Variants in JDP2 observed in about 807,000 individuals in gnomAD.
The protein encoded by JDP2 is Jun dimerization protein 2.
JDP2 carries 9 observed loss-of-function variants against 17.1 expected under a neutral mutation model. The ratio of observed to expected loss-of-function variants is 0.53; its 90% CI spans 0.32 to 0.92. The LOEUF (loss-of-function observed/expected upper bound fraction) is 0.92, where lower values mean the gene tolerates loss of function less well. JDP2 is among the 40% of genes least tolerant of loss of function. JDP2 has a pLI of 0.04. For synonymous variants in JDP2, 107 were observed against 95.6 expected (o/e 1.12, Z -0.69); for missense variants, 179 against 220.0 (o/e 0.81, Z 1.18).
chr14:75,468,365 G>C (rs1235410681), intron 3 of JDP2, among the ~76,000 whole-genome samples: 1 of 152,164 alleles, frequency 6.6e-6, no homozygotes, highest in Non-Finnish European at 1.5e-5. Flanking sequence ...ATCAGTCCTA[G>C]TTGAGAACCA....
At chr14:75,466,789 G>T (rs560843388) in intron 3 of JDP2, among the ~76,000 whole-genome samples, 1 of 152,238 alleles carries the variant, frequency 6.6e-6, no homozygotes, top group East Asian at 1.9e-4. Context: ...CAGAACAGCT[G>T]CCCTCCCAGG....
chr14:75,432,258 A>AAG, intron 1 of JDP2: 1 of 1,501,872 alleles, frequency 6.7e-7, no homozygotes, highest in South Asian at 1.2e-5. Flanking sequence ...TTCAGATTCC[A>AAG]AGAGAGAGGT....
At chr14:75,450,374 T>C (rs531493649) in intron 2 of JDP2, among the ~76,000 whole-genome samples, 1 of 152,366 alleles carries the variant, frequency 6.6e-6, no homozygotes, top group Admixed American at 6.5e-5. Flanking sequence ...CTAGGGTCTC[T>C]GGGTCTTCTC....
chr14:75,451,900 C>T (rs540937748), intron 2 of JDP2, among the ~76,000 whole-genome samples: 92 of 152,304 alleles, frequency 6.0e-4, no homozygotes, highest in African/African-American at 2.1e-3. Context: ...TGGCACTAAG[C>T]GTCTGTAAAA....
intron 2 of JDP2, among the ~76,000 whole-genome samples, chr14:75,448,803 G>GA (rs201721713): frequency 0.012 from 1,785 of 152,270 alleles, 32 homozygotes; most frequent in African/African-American, 0.041. Flanking sequence ...TGCTGCCACT[G>GA]ACCCAGAGTT....
chr14:75,463,552 GC>G (rs939585653), intron 3 of JDP2, among the ~76,000 whole-genome samples: 12 of 152,284 alleles, frequency 7.9e-5, no homozygotes, highest in African/African-American at 2.9e-4. Context: ...CACAGCAGGG[GC>G]CCTGTCCTGG....
chr14:75,451,963 G>A (rs184215687), intron 2 of JDP2, among the ~76,000 whole-genome samples: 36 of 152,320 alleles, frequency 2.4e-4, no homozygotes, highest in African/African-American at 8.7e-4. Context: ...CTGTTGCCCA[G>A]GCCGGAGTGC....
In JDP2 at chr14:75,469,297, A is replaced by T. The variant is rs1334511647; in HGVS notation, c.314A>T (p.Glu105Val). The change falls in exon 4 of 4, where the codon GAG becomes GTG. Residue 105 changes from glutamate to valine, a missense_variant. By Grantham distance (121) the Glu-to-Val change is moderately radical. Coordinates refer to ENST00000651602, the MANE Select transcript of JDP2 (RefSeq NM_001135048.2). ...ERTEFLQRESERLELMNAELK... is the reference protein window; with the variant it reads ...ERTEFLQRESVRLELMNAELK... ...TTCTGTGTTGGTATACAGGAATCCGAGCGGCTGGAACTCATGAACGCAGAG... is the reference window on the plus strand; with the variant it reads ...TTCTGTGTTGGTATACAGGAATCCGTGCGGCTGGAACTCATGAACGCAGAG... 1 of 1,613,620 alleles carries T rather than the reference A, an allele frequency of 6.2e-7. No homozygotes were observed. Among genetic ancestry groups the T allele is most frequent in the Non-Finnish European group, 8.5e-7 (1 of 1,179,812 alleles).
At chr14:75,463,708 A>G (rs1886439211) in intron 3 of JDP2, among the ~76,000 whole-genome samples, 1 of 152,142 alleles carries the variant, frequency 6.6e-6, no homozygotes, top group Non-Finnish European at 1.5e-5. Context: ...GGCATTGAAA[A>G]GGATACCAGC....
At chr14:75,431,019 T>G (rs1043754284) in intron 1 of JDP2, among the ~76,000 whole-genome samples, 1 of 152,126 alleles carries the variant, frequency 6.6e-6, no homozygotes, top group African/African-American at 2.4e-5. Flanking sequence ...TTTGCAAAGC[T>G]TCAGCTGGCC....
chr14:75,438,101 C>T lies in JDP2; in HGVS notation c.181C>T (p.Pro61Ser). The change falls in exon 2 of 4, where the codon CCC (proline) becomes TCC (serine). Residue 61 changes from proline to serine, a missense_variant. Physicochemically the swap from Pro to Ser is moderately conservative, Grantham distance 74. Transcript: ENST00000651602. Reference protein sequence around the residue: ...HFLEVKLGKRPQPVKSELDEE... With the variant: ...HFLEVKLGKRSQPVKSELDEE... ...CCTGGAGGTGAAACTGGGCAAGAGG[C>T]CCCAGCCCGTGAAAAGTGAGGTGAG... is the stretch of plus-strand genomic sequence containing the variant. 1 of 1,610,342 alleles carries T rather than the reference C, an allele frequency of 6.2e-7. No individual in the cohort carries two copies. Among genetic ancestry groups the T allele is most frequent in the Non-Finnish European group, 8.5e-7 (1 of 1,177,410 alleles).
Position 75,461,537 on chromosome 14 carries a change from T to C in JDP2, c.306+7T>C. On this transcript the variant is annotated splice_region_variant and intron_variant, in intron 3 of 3. Transcript: ENST00000651602. ...CACGGAGTTTCTGCAGCGGGTGAGC[T>C]GACCGGGTGGGTGGGGAGGCCTGCC... 1 of 1,592,684 alleles carries C rather than the reference T, an allele frequency of 6.3e-7. No individual in the cohort carries two copies. The highest frequency in any genetic ancestry group is 8.5e-7 in the Non-Finnish European group (1 of 1,171,360).
At chr14:75,441,653 G>C (rs1057462513) in intron 2 of JDP2, among the ~76,000 whole-genome samples, 1 of 152,240 alleles carries the variant, frequency 6.6e-6, no homozygotes, top group Non-Finnish European at 1.5e-5. Flanking sequence ...CTGATGGTTG[G>C]CCAGGGACCC....
chr14:75,455,338 G>A (rs951186600), intron 2 of JDP2, among the ~76,000 whole-genome samples: 5 of 152,276 alleles, frequency 3.3e-5, no homozygotes, highest in Admixed American at 2.6e-4. Flanking sequence ...TCTCTCAACT[G>A]TTGCTGTCAT....
At chr14:75,457,944 G>C (rs1473526138) in intron 2 of JDP2, among the ~76,000 whole-genome samples, 3 of 152,222 alleles carry the variant, frequency 2.0e-5, no homozygotes, top group Non-Finnish European at 4.4e-5. Flanking sequence ...AAGAATCTAA[G>C]CCTGTAGCAT....
chr14:75,433,547 C>CAT (rs34746396), intron 1 of JDP2, among the ~76,000 whole-genome samples: 4 of 116,684 alleles, frequency 3.4e-5, no homozygotes, highest in African/African-American at 1.4e-4. Flanking sequence ...GCTCTCAGAC[C>CAT]TTTTTTTTTT....
intron 2 of JDP2, among the ~76,000 whole-genome samples, chr14:75,458,349 G>T (rs1469087459): frequency 6.6e-6 from 1 of 152,086 alleles, no homozygotes; most frequent in Non-Finnish European, 1.5e-5. Flanking sequence ...AGGCCCCAGT[G>T]TGTGTTGTTC....
At chr14:75,445,348 G>T (rs1353804814) in intron 2 of JDP2, 5 of 985,390 alleles carry the variant, frequency 5.1e-6, no homozygotes, top group Non-Finnish European at 6.0e-6. Context: ...TGTACAACCT[G>T]CCATATGCTG....
chr14:75,460,311 G>A (rs985358770), intron 2 of JDP2, among the ~76,000 whole-genome samples: 1 of 152,172 alleles, frequency 6.6e-6, no homozygotes, highest in South Asian at 2.1e-4. Context: ...TCCCACAGGT[G>A]GGCATCCTGG....
Sources: gnomAD v4.1 joint callset for allele counts (sites outside exome capture counted in the v4.1 genomes callset) on GRCh38, gnomAD v4.1.1 for gene constraint, MANE v1.5 for transcripts, NCBI Gene and HGNC (gene_info 2026-07-23, HGNC 2026-07-21) for gene names.